LRRCC1: variants seen among roughly 807,000 people sequenced by gnomAD.
LRRCC1 encodes leucine-rich repeat and coiled-coil domain-containing protein 1.
In LRRCC1, 115 loss-of-function variants were observed where a neutral mutation model predicts 126.0. That is an observed-to-expected ratio of 0.91 (90% CI 0.78 to 1.07). The LOEUF (loss-of-function observed/expected upper bound fraction) is 1.07. Among genes scored for constraint, LRRCC1 ranks in the 50% least tolerant of loss-of-function variants. The pLI, the probability that LRRCC1 is intolerant of heterozygous loss-of-function variation, is 0.00. For missense variants in LRRCC1, 1,172 were observed against 1,175.7 expected (o/e 1.00, Z 0.05); for synonymous variants, 400 against 393.4 (o/e 1.02, Z -0.20).
intron 3 of LRRCC1, among the ~76,000 whole-genome samples, chr8:85,110,790 T>C (rs1808649333): frequency 6.6e-6 from 1 of 152,218 alleles, no homozygotes. Context: ...TGTTGCCTTT[T>C]TTAATTGATT....
rs1248039549 is a variant in LRRCC1 at position 85,138,331 on chromosome 8, A to T, written c.2703-7A>T. 1 of 1,592,984 alleles carries T rather than the reference A, an allele frequency of 6.3e-7. No individual in the cohort carries two copies. The highest frequency in any genetic ancestry group is 1.4e-5 in the African/African-American group (1 of 73,526). The stretch of plus-strand genomic sequence containing the variant: ...CAATTTATTTTTCAAATTACTTCTC[A>T]TATTAGTACACTGAATCGGAAGTGG... On this transcript the variant is annotated splice_polypyrimidine_tract_variant and splice_region_variant and intron_variant, in intron 16 of 18. Transcript: ENST00000360375.
rs144560578 is a variant in LRRCC1 at position 85,127,370 on chromosome 8, A to G, written c.1421+533A>G. 8.4e-3 allele frequency among the ~76,000 whole-genome samples: 1,284 copies of G among 152,258 alleles called. 17 individuals are homozygous for G. The highest frequency in any genetic ancestry group is 0.028 in the African/African-American group (1,180 of 41,544). On this transcript the variant is annotated intron_variant, in intron 9 of 18. Transcript: ENST00000360375. ...TGTCATTTCATTCTGTGAAAATACC[A>G]GTTTTTTAAATTACAATAACTTTTT...
At chr8:85,136,444 T>G (rs1367064760) in intron 14 of LRRCC1, among the ~76,000 whole-genome samples, 4 of 151,988 alleles carry the variant, frequency 2.6e-5, no homozygotes, top group Non-Finnish European at 4.4e-5. Context: ...CTGGCTAATT[T>G]TTGTATTTTT....
chr8:85,145,603 A>C lies in LRRCC1; in HGVS notation c.*92A>C. ...AATAGTAGTAACTGCTATGACTTTG[A>C]AATGTCTCTTTCTATACATTTCATT... is the stretch of plus-strand genomic sequence containing the variant. On this transcript the variant is annotated 3_prime_UTR_variant, in exon 19 of 19. Coordinates refer to ENST00000360375, the MANE Select transcript of LRRCC1 (RefSeq NM_033402.5). 9.6e-7 allele frequency: 1 copy of C among 1,045,626 alleles called. No individual in the cohort carries two copies. Among genetic ancestry groups the C allele is most frequent in the Non-Finnish European group, 1.4e-6 (1 of 738,454 alleles). 64.8% of individuals were successfully genotyped at this position (1,045,626 alleles called of 1,614,324 possible).
chr8:85,125,829 T>C (rs1809952563), intron 8 of LRRCC1, among the ~76,000 whole-genome samples: 1 of 152,150 alleles, frequency 6.6e-6, no homozygotes, highest in Non-Finnish European at 1.5e-5. Flanking sequence ...CTTTCAATAA[T>C]AGAATTGGTA....
chr8:85,137,968 A>T, intron 15 of LRRCC1, 67 bp from the exon 16 acceptor site: 1 of 775,950 alleles, frequency 1.3e-6, no homozygotes, highest in Non-Finnish European at 2.0e-6. Flanking sequence ...ATTAAACCAT[A>T]TCTAATTAAC....
chr8:85,125,943 C>T (rs1809961836), intron 8 of LRRCC1, among the ~76,000 whole-genome samples: 1 of 152,084 alleles, frequency 6.6e-6, no homozygotes, highest in Admixed American at 6.5e-5. Context: ...CATCTTTCTT[C>T]TTACTTAACC....
intron 2 of LRRCC1, 122 bp from the exon 3 acceptor site, chr8:85,109,993 T>C: frequency 1.6e-6 from 1 of 609,060 alleles, no homozygotes; most frequent in Non-Finnish European, 2.8e-6. Flanking sequence ...TAAAATTGAT[T>C]TCGCTGTTAC....
chr8:85,127,131 C>G (rs760919989), intron 9 of LRRCC1, among the ~76,000 whole-genome samples: 4 of 152,164 alleles, frequency 2.6e-5, no homozygotes, highest in Non-Finnish European at 4.4e-5. Flanking sequence ...GTGCCAGATT[C>G]TGTAAAGGGC....
Position 85,124,888 on chromosome 8 carries a change from G to T in LRRCC1, c.1221G>T (p.Lys407Asn), listed in dbSNP as rs1809851098. 1.2e-6 allele frequency: 2 copies of T among 1,608,466 alleles called. No homozygotes were observed. The highest frequency in any genetic ancestry group is 1.7e-5 in the Admixed American group (1 of 59,178). The change falls in exon 8 of 19, where the codon AAG becomes AAT. Residue 407 changes from lysine to asparagine, a missense_variant. Physicochemically the swap from Lys to Asn is moderately conservative, Grantham distance 94 (BLOSUM62 0). Coordinates refer to ENST00000360375, the MANE Select transcript of LRRCC1 (RefSeq NM_033402.5). ...CPMLQESEKP[K>N]TEIIKVDQSH... ...TGTTACAAGAATCAGAAAAGCCAAA[G>T]ACTGAAATAATTAAAGTAGACCAAA...
chr8:85,133,340 CTT>C (rs1265171243), intron 12 of LRRCC1, among the ~76,000 whole-genome samples: 2 of 152,150 alleles, frequency 1.3e-5, no homozygotes, highest in Admixed American at 6.5e-5. Flanking sequence ...TTTTCAGTCT[CTT>C]TGTTTCTCTT....
intron 3 of LRRCC1, among the ~76,000 whole-genome samples, chr8:85,110,855 C>G (rs1808655963): frequency 6.6e-6 from 1 of 152,196 alleles, no homozygotes; most frequent in African/African-American, 2.4e-5. Flanking sequence ...CTAGAATTAT[C>G]TGTTAAAACT....
chr8:85,133,517 A>G (rs1810638161), intron 12 of LRRCC1, among the ~76,000 whole-genome samples: 1 of 152,158 alleles, frequency 6.6e-6, no homozygotes, highest in East Asian at 1.9e-4. Context: ...CCTATTTAAC[A>G]TATTCTACTT....
rs752238515 is a variant in LRRCC1 at position 85,145,476 on chromosome 8, G to T, written c.3064G>T (p.Ala1022Ser). The change falls in exon 19 of 19, where the codon GCT (alanine) becomes TCT (serine). Residue 1022 changes from alanine to serine, a missense_variant. Ala to Ser is a moderately conservative substitution (Grantham distance 99). Transcript: ENST00000360375. ...KTMEAKIKQL[A>S]FALNEIQQDM ...AATGGAAGCAAAAATTAAGCAACTT[G>T]CTTTTGCTTTAAATGAAATTCAGCA... 9.0e-5 allele frequency: 143 copies of T among 1,586,730 alleles called. No homozygotes were observed. Among genetic ancestry groups the T allele is most frequent in the Non-Finnish European group, 1.2e-4 (137 of 1,171,054 alleles).
chr8:85,120,025 A>C (rs1234517056), intron 6 of LRRCC1, among the ~76,000 whole-genome samples: 1 of 152,004 alleles, frequency 6.6e-6, no homozygotes, highest in African/African-American at 2.4e-5. Context: ...TTTTTAAACC[A>C]TTTGTCATTC....
intron 11 of LRRCC1, among the ~76,000 whole-genome samples, chr8:85,130,742 A>C (rs189020576): frequency 3.8e-4 from 58 of 152,294 alleles, no homozygotes; most frequent in Non-Finnish European, 6.5e-4. Context: ...ATTCCTCTGA[A>C]GGAGGGGTCA....
At chr8:85,112,146 G>C (rs1808776831) in intron 3 of LRRCC1, among the ~76,000 whole-genome samples, 1 of 152,110 alleles carries the variant, frequency 6.6e-6, no homozygotes, top group Non-Finnish European at 1.5e-5. Context: ...ACAGTCTTGA[G>C]CCTGTACTGG....
chr8:85,121,494 T>A (rs1314562878), intron 6 of LRRCC1, among the ~76,000 whole-genome samples: 3 of 152,198 alleles, frequency 2.0e-5, no homozygotes, highest in Non-Finnish European at 4.4e-5. Context: ...CAGGCTGGAA[T>A]GCAATGGCGT....
At chr8:85,107,572 A>T in intron 1 of LRRCC1, 173 bp downstream of exon 1, 3 of 522,664 alleles carry the variant, frequency 5.7e-6, no homozygotes, top group East Asian at 3.3e-5. Context: ...CCGAAGTGCC[A>T]GGTTGAATGA....
Sources: allele counts gnomAD v4.1 joint callset (sites outside exome capture counted in the v4.1 genomes callset), GRCh38; gene constraint gnomAD v4.1.1; transcripts MANE v1.5; gene names NCBI Gene and HGNC (gene_info 2026-07-23, HGNC 2026-07-21).